HVCN1: variants seen among roughly 807,000 people sequenced by gnomAD.
The protein encoded by HVCN1 is voltage-gated hydrogen channel 1.
In HVCN1, 14 loss-of-function variants were observed where a neutral mutation model predicts 29.2. That is an observed-to-expected ratio of 0.48 (90% CI 0.32 to 0.75). The LOEUF (loss-of-function observed/expected upper bound fraction) is 0.75, where lower values mean the gene tolerates loss of function less well. Among genes scored for constraint, HVCN1 ranks in the 30% least tolerant of loss-of-function variants. HVCN1 has a pLI of 0.04. For synonymous variants in HVCN1, 131 were observed against 133.2 expected (o/e 0.98, Z 0.11); for missense variants, 263 against 341.8 (o/e 0.77, Z 1.82).
rs538999674 is a variant in HVCN1, at chr12:110,678,439, CTTTTTTTTTTTTTT to C, written c.21+4772_21+4785del. On this transcript the variant is annotated intron_variant, in intron 3 of 7. Coordinates refer to ENST00000242607, the MANE Select transcript of HVCN1 (RefSeq NM_032369.4). Reference sequence around the variant, plus strand: ...TCTTATTTTCCATTTCATTCTATTTCTTTTTTTTTTTTTTTTTTTTTTTTTTTTTGAGACAGGGT... The same window carrying C: ...TCTTATTTTCCATTTCATTCTATTTCTTTTTTTTTTTTTTTGAGACAGGGT... Among the ~76,000 whole-genome samples, 15 of 65,822 alleles carry C rather than the reference CTTTTTTTTTTTTTT, an allele frequency of 2.3e-4. 1 individual carries two copies. The highest frequency in any genetic ancestry group is 7.6e-4 in the African/African-American group (13 of 17,064). The allele number at this position is 65,822 out of a possible 152,430, so 43.2% of individuals were successfully genotyped here.
chr12:110,659,780 G>C (rs941998282), intron 4 of HVCN1, among the ~76,000 whole-genome samples: 5 of 152,034 alleles, frequency 3.3e-5, no homozygotes, highest in African/African-American at 1.2e-4. Context: ...CTAAATGGCG[G>C]GACATGGCCA....
At chr12:110,668,944 C>G (rs2068471319) in intron 3 of HVCN1, among the ~76,000 whole-genome samples, 1 of 152,064 alleles carries the variant, frequency 6.6e-6, no homozygotes, top group Admixed American at 6.6e-5. Context: ...TGTCCCTGCC[C>G]CATACCAGGA....
intron 3 of HVCN1, among the ~76,000 whole-genome samples, chr12:110,680,954 G>A (rs1277061992): frequency 6.6e-6 from 1 of 152,050 alleles, no homozygotes; most frequent in South Asian, 2.1e-4. Context: ...AAAAAAGGCA[G>A]CAGACAATTT....
At chr12:110,653,981 G>A (rs576669041) in intron 5 of HVCN1, among the ~76,000 whole-genome samples, 2 of 152,274 alleles carry the variant, frequency 1.3e-5, no homozygotes, top group South Asian at 4.2e-4. Flanking sequence ...AGGAGTGAAG[G>A]GTTGTGAAGT....
At chr12:110,671,668 G>A (rs752191627) in intron 3 of HVCN1, among the ~76,000 whole-genome samples, 1 of 152,108 alleles carries the variant, frequency 6.6e-6, no homozygotes, top group African/African-American at 2.4e-5. Flanking sequence ...TTATCTTTCC[G>A]GGCCACACAT....
At chr12:110,684,785 C>T (rs982356373) in intron 2 of HVCN1, among the ~76,000 whole-genome samples, 1 of 152,088 alleles carries the variant, frequency 6.6e-6, no homozygotes, top group Non-Finnish European at 1.5e-5. Flanking sequence ...TTAAATTATA[C>T]AAAAAGATAT....
chr12:110,655,258 G>A lies in HVCN1; in HGVS notation c.387C>T (p.Pro129=), dbSNP rs759857412. Residue 129 remains proline, a synonymous_variant, in exon 5 of 8, where the codon CCC becomes CCT. Coordinates refer to ENST00000242607, the MANE Select transcript of HVCN1 (RefSeq NM_032369.4). ...ELILDLKIIQ[P]DKNNYAAMVF... ...CCATGGCAGCATAGTTATTCTTGTC[G>A]GGCTGGATGATCTTCAGGTCCAGGA... 1.2e-5 allele frequency: 20 copies of A among 1,613,324 alleles called. No homozygotes were observed. The highest frequency in any genetic ancestry group is 6.6e-5 in the South Asian group (6 of 91,040).
chr12:110,675,684 T>C (rs1159002535), intron 3 of HVCN1, among the ~76,000 whole-genome samples: 2 of 152,014 alleles, frequency 1.3e-5, no homozygotes, highest in South Asian at 2.1e-4. Context: ...GGTGGGTGGA[T>C]TGCTTGAGCC....
At chr12:110,692,726 AAAAAAC>A (rs527629500), upstream of HVCN1, among the ~76,000 whole-genome samples, 514 of 152,220 alleles carry the variant, frequency 3.4e-3, 3 homozygotes, top group African/African-American at 0.012. Flanking sequence ...CCTGTCTCTT[AAAAAAC>A]AAAAACAAAA....
intron 2 of HVCN1, among the ~76,000 whole-genome samples, chr12:110,700,733 C>T (rs1454141858): frequency 6.6e-6 from 1 of 152,212 alleles, no homozygotes; most frequent in Non-Finnish European, 1.5e-5. Context: ...GCTGGGATTA[C>T]AGGCATGAGC....
intron 5 of HVCN1, among the ~76,000 whole-genome samples, chr12:110,653,017 AC>A (rs2067865572): frequency 6.6e-6 from 1 of 152,196 alleles, no homozygotes; most frequent in African/African-American, 2.4e-5. Flanking sequence ...CCTGGACCTA[AC>A]CGTGGTGTGC....
upstream of HVCN1, among the ~76,000 whole-genome samples, chr12:110,690,602 C>G (rs1357277215): frequency 1.3e-5 from 2 of 151,836 alleles, no homozygotes; most frequent in East Asian, 1.9e-4. Flanking sequence ...TCAAGCCTCC[C>G]GAGTAGCTAT....
chr12:110,702,129 T>C (rs1487586095), intron 2 of HVCN1, among the ~76,000 whole-genome samples: 1 of 151,538 alleles, frequency 6.6e-6, no homozygotes, highest in Non-Finnish European at 1.5e-5. Flanking sequence ...CACACATATA[T>C]GCTTGTAAAT....
intron 4 of HVCN1, among the ~76,000 whole-genome samples, chr12:110,655,839 G>A (rs1269591548): frequency 2.0e-5 from 3 of 151,962 alleles, no homozygotes; most frequent in Non-Finnish European, 4.4e-5. Context: ...CGAGTAGCTG[G>A]GATAACAGGC....
At chr12:110,670,275 A>T (rs2068530025) in intron 3 of HVCN1, among the ~76,000 whole-genome samples, 1 of 152,174 alleles carries the variant, frequency 6.6e-6, no homozygotes, top group Non-Finnish European at 1.5e-5. Flanking sequence ...GTTCATTGTT[A>T]TCTGACAATC....
At chr12:110,698,944 A>G (rs1198825097) in intron 2 of HVCN1, among the ~76,000 whole-genome samples, 1 of 152,194 alleles carries the variant, frequency 6.6e-6, no homozygotes, top group Non-Finnish European at 1.5e-5. Context: ...CCTGGCCAAC[A>G]TGGCAAAACC....
At chr12:110,704,236 T>C (rs1468681739) in intron 1 of HVCN1, among the ~76,000 whole-genome samples, 1 of 152,140 alleles carries the variant, frequency 6.6e-6, no homozygotes, top group African/African-American at 2.4e-5. Context: ...CAAAGGAATA[T>C]TGTGTGGCTC....
intron 7 of HVCN1, 35 bp downstream of exon 7, chr12:110,650,133 C>T (rs1299606264): frequency 7.1e-6 from 10 of 1,417,378 alleles, no homozygotes; most frequent in Middle Eastern, 1.8e-4. Flanking sequence ...GCATGAGCCA[C>T]CACGCCTGGT....
upstream of HVCN1, among the ~76,000 whole-genome samples, chr12:110,690,111 T>G (rs2136492473): frequency 6.6e-6 from 1 of 152,254 alleles, no homozygotes; most frequent in Non-Finnish European, 1.5e-5. Flanking sequence ...AAGGTGTGGG[T>G]GGGGCTGTGC....
Sources: allele counts gnomAD v4.1 joint callset (sites outside exome capture counted in the v4.1 genomes callset), GRCh38; gene constraint gnomAD v4.1.1; transcripts MANE v1.5; gene names NCBI Gene and HGNC (gene_info 2026-07-23, HGNC 2026-07-21).